The following ME3 variants were observed in gnomAD, a reference collection of about 807,000 sequenced individuals.
ME3 encodes the protein NADP-dependent malic enzyme, mitochondrial.
In ME3, 48 loss-of-function variants were observed where a neutral mutation model predicts 68.9. The ratio of observed to expected loss-of-function variants is 0.70; its 90% CI spans 0.55 to 0.89. ME3 has a LOEUF of 0.89. ME3 is among the 40% of genes least tolerant of loss of function. The pLI, the probability that ME3 is intolerant of heterozygous loss-of-function variation, is 0.00. For missense variants in ME3, 675 were observed against 797.4 expected (o/e 0.85, Z 1.85); for synonymous variants, 320 against 318.8 (o/e 1.00, Z -0.04).
intron 2 of ME3, among the ~76,000 whole-genome samples, chr11:86,669,531 G>A (rs1170661376): frequency 2.6e-5 from 4 of 152,210 alleles, no homozygotes; most frequent in Non-Finnish European, 5.9e-5. Flanking sequence ...AGCGCTAGCA[G>A]GGGAAATGTG....
chr11:86,539,517 G>GTAC (rs149673849), intron 4 of ME3, among the ~76,000 whole-genome samples: 7,646 of 152,198 alleles, frequency 0.05, 259 homozygotes, highest in Non-Finnish European at 0.078. Context: ...AATCATACAT[G>GTAC]TACTTATGGT....
rs546724040 is a variant in ME3 at position 86,524,421 on chromosome 11, C to A, written c.468-15554G>T. Among the ~76,000 whole-genome samples, 5 of 152,280 alleles carry A rather than the reference C, an allele frequency of 3.3e-5. No individual in the cohort carries two copies. In the South Asian group the frequency reaches 6.2e-4, roughly 19 times the overall value. On this transcript the variant is annotated intron_variant, in intron 4 of 14. Transcript: ENST00000543262. ...AGAAGTAGTCACACATTTTTTTCCA[C>A]TGAATCATAAATCTGCAGCCTCAGT...
intron 4 of ME3, among the ~76,000 whole-genome samples, chr11:86,545,146 G>A (rs1010725096): frequency 2.6e-5 from 4 of 151,680 alleles, no homozygotes; most frequent in African/African-American, 9.7e-5. Flanking sequence ...AAACTCTCAA[G>A]AAACTATCAA....
At chr11:86,559,658 C>T (rs749944194) in intron 3 of ME3, 32 bp downstream of exon 3, 3 of 1,593,388 alleles carry the variant, frequency 1.9e-6, no homozygotes, top group African/African-American at 2.7e-5. Flanking sequence ...AGCCCAAGGA[C>T]CAGACAGAGA....
At position 86,583,158 on chromosome 11, in the gene ME3, A is replaced by ATCAT. The variant is rs538226943; in HGVS notation, c.184-23339_184-23336dup. The stretch of plus-strand genomic sequence containing the variant: ...AGACCCACCCTGTTTACTCAGCCTA[A>ATCAT]TCATTCATTCATTCATTCATTCCCT... On this transcript the variant is annotated intron_variant, in intron 2 of 14. Transcript: ENST00000543262. Among the ~76,000 whole-genome samples the ATCAT allele has an allele frequency of 3.9e-4, 59 of 152,188 alleles. 1 individual carries two copies. The South Asian group carries it at 9.6e-3, about 25-fold the overall frequency.
intron 2 of ME3, among the ~76,000 whole-genome samples, chr11:86,661,038 T>C (rs185117850): frequency 1.9e-4 from 29 of 152,250 alleles, no homozygotes; most frequent in Non-Finnish European, 3.4e-4. Context: ...GAGAAGGGAA[T>C]GTAGAGGCAA....
chr11:86,496,742 C>T (rs1952361132), intron 6 of ME3, among the ~76,000 whole-genome samples: 2 of 152,182 alleles, frequency 1.3e-5, no homozygotes, highest in South Asian at 2.1e-4. Context: ...AATTATGATA[C>T]ATCAGGTAGC....
chr11:86,629,391 CAG>C (rs990256730), intron 2 of ME3, among the ~76,000 whole-genome samples: 5 of 152,132 alleles, frequency 3.3e-5, no homozygotes, highest in Non-Finnish European at 7.4e-5. Context: ...TTCTTAAAAA[CAG>C]AGAAACAATC....
intron 7 of ME3, among the ~76,000 whole-genome samples, chr11:86,485,978 T>G: frequency 1.3e-5 from 2 of 152,294 alleles, no homozygotes; most frequent in Middle Eastern, 6.8e-3. Context: ...TCTCCCACTC[T>G]CCTAGATAAC....
intron 8 of ME3, among the ~76,000 whole-genome samples, chr11:86,453,008 T>G (rs1949717957): frequency 6.6e-6 from 1 of 152,128 alleles, no homozygotes; most frequent in South Asian, 2.1e-4. Context: ...TTGTTTTTGT[T>G]TTTAATTTCA....
In ME3 at chr11:86,499,164, G is replaced by C. The variant is rs1432450975; in HGVS notation, c.544-1040C>G. On this transcript the variant is annotated intron_variant, in intron 5 of 14. Coordinates refer to ENST00000543262, the Ensembl canonical transcript of ME3. ...GGGGAGAAGGGCATTTGATACAAAA[G>C]AAAGTTAAAATCCAGGGTAGAGGTG... Among the ~76,000 whole-genome samples the C allele has an allele frequency of 5.3e-5, 8 of 152,122 alleles. No individual in the cohort carries two copies. In the East Asian group the frequency reaches 1.3e-3, roughly 26 times the overall value.
chr11:86,598,597 G>C (rs964274530), intron 2 of ME3, among the ~76,000 whole-genome samples: 2 of 152,070 alleles, frequency 1.3e-5, no homozygotes, highest in African/African-American at 4.8e-5. Flanking sequence ...GAGGAGAGCA[G>C]TGGTTCTCCC....
chr11:86,580,523 C>T (rs1035646841), intron 2 of ME3, among the ~76,000 whole-genome samples: 1 of 152,088 alleles, frequency 6.6e-6, no homozygotes, highest in African/African-American at 2.4e-5. Context: ...GATGAATGCT[C>T]AGTTTGTGGG....
chr11:86,442,983 C>A (rs971835164), intron 13 of ME3, 64 bp from the exon 14 acceptor site: 17 of 1,337,816 alleles, frequency 1.3e-5, no homozygotes, highest in Non-Finnish European at 1.8e-5. Flanking sequence ...ACAAGCCCAA[C>A]CCGTTACCCC....
intron 2 of ME3, among the ~76,000 whole-genome samples, chr11:86,650,354 C>G (rs1164022043): frequency 6.6e-6 from 1 of 152,010 alleles, no homozygotes; most frequent in African/African-American, 2.4e-5. Flanking sequence ...CCATAAAAAC[C>G]CTAGAAGAAA....
At chr11:86,465,477 CCCATGGCTG>C (rs1170732615) in intron 7 of ME3, among the ~76,000 whole-genome samples, 4 of 152,074 alleles carry the variant, frequency 2.6e-5, no homozygotes, top group Non-Finnish European at 5.9e-5. Flanking sequence ...GCTGGTGGCT[CCCATGGCTG>C]CCATGGCCAG....
chr11:86,574,337 C>G (rs1957962742), intron 2 of ME3, among the ~76,000 whole-genome samples: 1 of 142,378 alleles, frequency 7.0e-6, no homozygotes, highest in Non-Finnish European at 1.5e-5. Flanking sequence ...TCCTCATCTT[C>G]CCGGATTTAT....
Position 86,466,205 on chromosome 11 carries a change from C to T in ME3, c.810-1005G>A, listed in dbSNP as rs907669028. 1.1e-4 allele frequency among the ~76,000 whole-genome samples: 17 copies of T among 152,186 alleles called. 1 individual carries two copies. In the South Asian group the frequency reaches 1.2e-3, roughly 11 times the overall value. ...TGTGGGCTTCTGCACACAGATTTCC[C>T]CTTTACTCCATTCTTGCTCTTTGAT... is the stretch of plus-strand genomic sequence containing the variant. On this transcript the variant is annotated intron_variant, in intron 7 of 14. Transcript: ENST00000543262.
At chr11:86,543,804 G>A (rs987140272) in intron 4 of ME3, among the ~76,000 whole-genome samples, 2 of 152,030 alleles carry the variant, frequency 1.3e-5, no homozygotes, top group African/African-American at 2.4e-5. Flanking sequence ...ACCAAGTGGA[G>A]CTAATAGACA....
Sources: gnomAD v4.1 joint callset for allele counts (sites outside exome capture counted in the v4.1 genomes callset) on GRCh38, gnomAD v4.1.1 for gene constraint, MANE v1.5 for transcripts, NCBI Gene and HGNC (gene_info 2026-07-23, HGNC 2026-07-21) for gene names.